CCDC83: variants seen among roughly 807,000 people sequenced by gnomAD.
The protein encoded by CCDC83 is coiled-coil domain-containing protein 83.
In CCDC83, 54 loss-of-function variants were observed where a neutral mutation model predicts 50.1. The observed-to-expected ratio is 1.08, with a 90% CI of 0.87 to 1.35. CCDC83 has a LOEUF of 1.35. Among genes scored for constraint, CCDC83 ranks in the 40% most tolerant of loss-of-function variants. CCDC83 has a pLI of 0.00. For missense variants in CCDC83, 518 were observed against 473.9 expected (o/e 1.09, Z -0.86); for synonymous variants, 161 against 153.3 (o/e 1.05, Z -0.37).
At chr11:85,872,706 G>C (rs1289098224) in intron 2 of CCDC83, among the ~76,000 whole-genome samples, 2 of 152,152 alleles carry the variant, frequency 1.3e-5, no homozygotes, top group Non-Finnish European at 2.9e-5. Flanking sequence ...TACTTGTTGA[G>C]TGTTAAAGAA....
intron 1 of CCDC83, 104 bp from the exon 2 acceptor site, chr11:85,864,992 A>G (rs1592137043): frequency 9.2e-6 from 6 of 650,648 alleles, no homozygotes; most frequent in Middle Eastern, 3.0e-4. Context: ...AGCAATCAGG[A>G]TAGAAAGCCA....
intron 3 of CCDC83, among the ~76,000 whole-genome samples, chr11:85,874,177 C>T (rs930851219): frequency 1.3e-5 from 2 of 152,188 alleles, no homozygotes; most frequent in African/African-American, 4.8e-5. Flanking sequence ...GTGGATAAGA[C>T]AAGCCAGTAA....
In CCDC83 at chr11:85,873,259, G is replaced by T; in HGVS notation, c.144G>T (p.Lys48Asn). 6.4e-7 allele frequency: 1 copy of T among 1,558,228 alleles called. No individual in the cohort carries two copies. Among genetic ancestry groups the T allele is most frequent in the South Asian group, 1.2e-5 (1 of 82,474 alleles). ...DAVEQFMFQI[K>N]TLRKKNQKYH... The stretch of plus-strand genomic sequence containing the variant: ...TGGAGCAATTCATGTTTCAAATAAA[G>T]ACACTTAGGAAAAAGAACCAAAAAT... The change falls in exon 3 of 11, where the codon AAG becomes AAT. Residue 48 changes from lysine (K) to asparagine (N), a missense_variant. Transcript: ENST00000342404.
intron 8 of CCDC83, among the ~76,000 whole-genome samples, chr11:85,914,652 T>C (rs1003763257): frequency 6.6e-6 from 1 of 152,210 alleles, no homozygotes; most frequent in Non-Finnish European, 1.5e-5. Flanking sequence ...ATGCTCACTC[T>C]CAATTTTTTG....
In CCDC83 at chr11:85,916,078, T is replaced by C. The variant is rs2093475884; in HGVS notation, c.925T>C (p.Ser309Pro). 3 of 1,613,180 alleles carry C rather than the reference T, an allele frequency of 1.9e-6. No homozygotes were observed. In the African/African-American group the frequency reaches 4.0e-5, roughly 22 times the overall value. The change falls in exon 10 of 11, where the codon TCC becomes CCC. Residue 309 changes from serine (S) to proline (P), a missense_variant. Physicochemically the swap from Ser to Pro is moderately conservative, Grantham distance 74. Transcript: ENST00000342404. ...AGAAGTAGAAAGTAGAGACTTGATG[T>C]CCTCATCAGATGAGAGCACTATCTT... Reference protein sequence around the residue: ...PTEVESRDLMSSSDESTILHL... With the variant: ...PTEVESRDLMPSSDESTILHL...
At chr11:85,859,158 TAAAAAAAAAA>T (rs55964668) in intron 1 of CCDC83, among the ~76,000 whole-genome samples, 1 of 68,792 alleles carries the variant, frequency 1.5e-5, no homozygotes, top group Non-Finnish European at 2.8e-5. Flanking sequence ...CTTGGTGCCT[TAAAAAAAAAA>T]AAAAAAAAAA....
At chr11:85,856,188 A>G (rs865949771) in intron 1 of CCDC83, among the ~76,000 whole-genome samples, 67 of 140,922 alleles carry the variant, frequency 4.8e-4, no homozygotes, top group Admixed American at 2.1e-3. Flanking sequence ...CTAAGCCAAA[A>G]AAAAAAAAAA....
At chr11:85,875,554 T>G (rs938295072) in intron 3 of CCDC83, among the ~76,000 whole-genome samples, 4 of 152,254 alleles carry the variant, frequency 2.6e-5, no homozygotes, top group African/African-American at 9.6e-5. Context: ...GTTGGAATAT[T>G]GTGTAAAATT....
intron 7 of CCDC83, 48 bp from the exon 8 acceptor site, chr11:85,911,233 G>A: frequency 3.8e-6 from 5 of 1,299,224 alleles, no homozygotes; most frequent in East Asian, 2.7e-5. Flanking sequence ...AAACTTAATA[G>A]AACTGAATCA....
At chr11:85,891,557 C>T (rs1456035258) in intron 5 of CCDC83, among the ~76,000 whole-genome samples, 1 of 152,108 alleles carries the variant, frequency 6.6e-6, no homozygotes, top group Non-Finnish European at 1.5e-5. Context: ...TTATTTTTGT[C>T]CTTTACTGGG....
At chr11:85,859,641 C>A (rs535872667) in intron 1 of CCDC83, among the ~76,000 whole-genome samples, 1 of 152,242 alleles carries the variant, frequency 6.6e-6, no homozygotes, top group South Asian at 2.1e-4. Flanking sequence ...AAACTGGACC[C>A]CTTCCTTTTA....
At chr11:85,884,410 A>G (rs559573787) in intron 4 of CCDC83, among the ~76,000 whole-genome samples, 15 of 152,314 alleles carry the variant, frequency 9.8e-5, no homozygotes, top group African/African-American at 3.6e-4. Context: ...CTACTGAATC[A>G]GAATCCGCAT....
rs2135136709 is a variant in CCDC83 at position 85,911,327 on chromosome 11, A to G, written c.719A>G (p.His240Arg). 3 of 1,611,636 alleles carry G rather than the reference A, an allele frequency of 1.9e-6. No individual in the cohort carries two copies. The African/African-American group carries it at 4.0e-5, about 21-fold the overall frequency. Residue 240 changes from histidine to arginine, a missense_variant, in exon 8 of 11, where the codon CAT (histidine) becomes CGT (arginine). Coordinates refer to ENST00000342404, the MANE Select transcript of CCDC83 (RefSeq NM_001286159.2). ...KEVEELKNAIHELEAENLVLI... is the reference protein window; with the variant it reads ...KEVEELKNAIRELEAENLVLI... The stretch of plus-strand genomic sequence containing the variant: ...GTTGAAGAATTAAAAAATGCTATTC[A>G]TGAACTGGAAGCAGAAAATTTGGTG...
chr11:85,886,605 C>G (rs2093328182), intron 5 of CCDC83, among the ~76,000 whole-genome samples: 1 of 152,104 alleles, frequency 6.6e-6, no homozygotes, highest in South Asian at 2.1e-4. Context: ...GTGCAGAAGC[C>G]CTGTGACCAA....
intron 2 of CCDC83, among the ~76,000 whole-genome samples, chr11:85,869,522 G>A (rs1042092484): frequency 1.3e-5 from 2 of 152,180 alleles, no homozygotes; most frequent in Non-Finnish European, 1.5e-5. Flanking sequence ...CAATGAAATT[G>A]CATGGGTGGG....
chr11:85,919,590 C>T lies in CCDC83; in HGVS notation c.*80C>T, dbSNP rs893436600. The T allele has an allele frequency of 1.9e-6, 2 of 1,031,578 alleles. No homozygotes were observed. The highest frequency in any genetic ancestry group is 3.3e-5 in the African/African-American group (2 of 60,814). The allele number at this position is 1,031,578 out of a possible 1,614,324, so 63.9% of individuals were successfully genotyped here. On this transcript the variant is annotated 3_prime_UTR_variant, in exon 11 of 11. Coordinates refer to ENST00000342404, the MANE Select transcript of CCDC83 (RefSeq NM_001286159.2). ...TGAAGTATATCCGTTGCCCATTTTA[C>T]TTACACTTTGGCTCATTTTTAAACC...
chr11:85,879,498 A>G (rs112459874), intron 3 of CCDC83, among the ~76,000 whole-genome samples: 2,960 of 152,326 alleles, frequency 0.019, 105 homozygotes, highest in African/African-American at 0.066. Context: ...AGCACATGAA[A>G]AGATGCTCAA....
At chr11:85,916,446 A>C (rs1350732203) in intron 10 of CCDC83, 3 of 510,364 alleles carry the variant, frequency 5.9e-6, no homozygotes, top group Non-Finnish European at 6.9e-6. Flanking sequence ...ATAGGCCTCC[A>C]TTAATAGTAT....
Position 85,898,991 on chromosome 11 carries a change from G to C in CCDC83, c.648G>C (p.Trp216Cys). 7 of 1,611,688 alleles carry C rather than the reference G, an allele frequency of 4.3e-6. No homozygotes were observed. Among genetic ancestry groups the C allele is most frequent in the Non-Finnish European group, 5.9e-6 (7 of 1,178,498 alleles). Reference sequence around the variant, plus strand: ...ACAAGGGCAGTTATCTAGAGATCTGGGAGAATGACTGGCTCAAAAAAGAGG... The same window carrying C: ...ACAAGGGCAGTTATCTAGAGATCTGCGAGAATGACTGGCTCAAAAAAGAGG... Reference protein sequence around the residue: ...LIDKGSYLEIWENDWLKKEVA... With the variant: ...LIDKGSYLEICENDWLKKEVA... The change falls in exon 7 of 11, where the codon TGG becomes TGC. Residue 216 changes from tryptophan to cysteine, a missense_variant. By Grantham distance (215) the Trp-to-Cys change is radical. Transcript: ENST00000342404.
Sources: gnomAD v4.1 joint callset for allele counts (sites outside exome capture counted in the v4.1 genomes callset) on GRCh38, gnomAD v4.1.1 for gene constraint, MANE v1.5 for transcripts, NCBI Gene and HGNC (gene_info 2026-07-23, HGNC 2026-07-21) for gene names.